Variants in DISP1 observed in about 807,000 individuals in gnomAD.
The protein encoded by DISP1 is protein dispatched homolog 1.
DISP1 carries 30 observed loss-of-function variants against 37.3 expected under a neutral mutation model. The observed-to-expected ratio is 0.80, with a 90% CI of 0.60 to 1.09. The LOEUF (loss-of-function observed/expected upper bound fraction) is 1.09. Among genes scored for constraint, DISP1 ranks in the 50% least tolerant of loss-of-function variants. DISP1 has a pLI of 0.00. For missense variants in DISP1, 1,598 were observed against 1,879.5 expected (o/e 0.85, Z 2.77); for synonymous variants, 634 against 690.2 (o/e 0.92, Z 1.28).
At chr1:222,838,429 C>T (rs1164179010) in intron 1 of DISP1, among the ~76,000 whole-genome samples, 1 of 151,932 alleles carries the variant, frequency 6.6e-6, no homozygotes, top group African/African-American at 2.4e-5. Flanking sequence ...ATTTTCTAAG[C>T]CTTTTCTTCC....
intron 7 of DISP1, among the ~76,000 whole-genome samples, chr1:222,992,732 G>A (rs977114107): frequency 3.3e-5 from 5 of 152,128 alleles, no homozygotes; most frequent in East Asian, 1.9e-4. Context: ...AGAAGTGATG[G>A]TGATTGTGGA....
intron 1 of DISP1, among the ~76,000 whole-genome samples, chr1:222,895,892 A>G (rs946065121): frequency 1.3e-5 from 2 of 152,230 alleles, no homozygotes; most frequent in African/African-American, 4.8e-5. Context: ...GACCTTAGGA[A>G]AGGCACAAAG....
intron 4 of DISP1, among the ~76,000 whole-genome samples, chr1:222,983,370 C>A (rs1453004428): frequency 6.6e-6 from 1 of 152,152 alleles, no homozygotes; most frequent in Admixed American, 6.5e-5. Flanking sequence ...GTAATCCCAG[C>A]ACTTTGGGAA....
intron 1 of DISP1, among the ~76,000 whole-genome samples, chr1:222,902,103 A>C (rs61840860): frequency 0.12 from 17,737 of 151,150 alleles, 1,017 homozygotes; most frequent in African/African-American, 0.14. Context: ...TTTTCAAAAA[A>C]CCAGCTCCTG....
intron 1 of DISP1, among the ~76,000 whole-genome samples, chr1:222,870,925 T>A (rs2125343927): frequency 6.6e-6 from 1 of 152,364 alleles, no homozygotes; most frequent in Non-Finnish European, 1.5e-5. Context: ...TGGTTTTAGG[T>A]CTTACATGTA....
intron 1 of DISP1, among the ~76,000 whole-genome samples, chr1:222,905,147 G>T (rs35217299): frequency 0.14 from 21,720 of 151,920 alleles, 1,702 homozygotes; most frequent in Non-Finnish European, 0.16. Flanking sequence ...TGGATTATGA[G>T]GTATTAAGTG....
At chr1:222,921,446 T>C (rs1259230286) in intron 1 of DISP1, among the ~76,000 whole-genome samples, 1 of 152,016 alleles carries the variant, frequency 6.6e-6, no homozygotes, top group Admixed American at 6.5e-5. Flanking sequence ...AATTCTACCT[T>C]CAAAACAAAA....
intron 1 of DISP1, among the ~76,000 whole-genome samples, chr1:222,890,766 A>G (rs182330926): frequency 6.6e-6 from 1 of 152,108 alleles, no homozygotes; most frequent in Admixed American, 6.5e-5. Flanking sequence ...ATGAGGGAGA[A>G]TCTGTTCCAT....
At chr1:222,972,968 G>A (rs1187641556) in intron 3 of DISP1, among the ~76,000 whole-genome samples, 3 of 152,110 alleles carry the variant, frequency 2.0e-5, no homozygotes, top group Non-Finnish European at 2.9e-5. Flanking sequence ...GATTCCAGTG[G>A]TCATCAAATT....
chr1:222,861,941 A>G (rs1288990125), intron 1 of DISP1, among the ~76,000 whole-genome samples: 1 of 151,856 alleles, frequency 6.6e-6, no homozygotes, highest in Non-Finnish European at 1.5e-5. Flanking sequence ...GTGTTTTTTT[A>G]TAGTACATTT....
At chr1:222,946,413 C>G (rs1229262340) in intron 3 of DISP1, among the ~76,000 whole-genome samples, 4 of 150,830 alleles carry the variant, frequency 2.7e-5, no homozygotes, top group African/African-American at 9.7e-5. Flanking sequence ...AGAATTTGAG[C>G]CTTTTGGTTA....
At chr1:222,910,837 G>T (rs568728368) in intron 1 of DISP1, among the ~76,000 whole-genome samples, 1 of 152,290 alleles carries the variant, frequency 6.6e-6, no homozygotes, top group African/African-American at 2.4e-5. Flanking sequence ...AGAGCAATGT[G>T]AGCAAATTGC....
intron 4 of DISP1, among the ~76,000 whole-genome samples, chr1:222,984,435 T>TAAAG (rs67660273): frequency 9.2e-6 from 1 of 108,398 alleles, no homozygotes; most frequent in Non-Finnish European, 1.8e-5. Context: ...TATATATATA[T>TAAAG]AGAGAGAGAG....
At chr1:222,838,594 AC>A (rs1168142524) in intron 1 of DISP1, among the ~76,000 whole-genome samples, 8 of 151,236 alleles carry the variant, frequency 5.3e-5, no homozygotes, top group Admixed American at 5.3e-4. Flanking sequence ...ACATAGTGAG[AC>A]CCCATCTACA....
chr1:222,992,640 TAA>T (rs1213986261), intron 7 of DISP1, among the ~76,000 whole-genome samples: 2 of 151,984 alleles, frequency 1.3e-5, no homozygotes, highest in Admixed American at 6.6e-5. Flanking sequence ...GTGAAAAAAA[TAA>T]AGTCTAGAGG....
chr1:222,990,521 G>C (rs1678622659), intron 4 of DISP1, 104 bp from the exon 5 acceptor site: 1 of 1,567,718 alleles, frequency 6.4e-7, no homozygotes, highest in Non-Finnish European at 8.8e-7. Flanking sequence ...ATAAATTGCT[G>C]TCTTAGGTAC....
chr1:222,898,548 G>GT (rs5781289), intron 1 of DISP1, among the ~76,000 whole-genome samples: 103,757 of 146,760 alleles, frequency 0.71, 36,615 homozygotes, highest in South Asian at 0.81. Flanking sequence ...ATGTACCACT[G>GT]TTTTTTTTTT....
chr1:222,869,211 C>T (rs1394584753), intron 1 of DISP1, among the ~76,000 whole-genome samples: 1 of 151,978 alleles, frequency 6.6e-6, no homozygotes, highest in African/African-American at 2.4e-5. Context: ...TCTTAAGAGG[C>T]TATTTGTTTG....
At chr1:222,918,054 A>C (rs1162539282) in intron 1 of DISP1, among the ~76,000 whole-genome samples, 3 of 152,222 alleles carry the variant, frequency 2.0e-5, no homozygotes, top group African/African-American at 7.2e-5. Context: ...GAAATAAATC[A>C]TTGTGCTAAT....
Sources: allele counts gnomAD v4.1 joint callset (sites outside exome capture counted in the v4.1 genomes callset), GRCh38; gene constraint gnomAD v4.1.1; transcripts MANE v1.5; gene names NCBI Gene and HGNC (gene_info 2026-07-23, HGNC 2026-07-21).